The following DYTN variants were observed in gnomAD, a reference collection of about 807,000 sequenced individuals.
The protein encoded by DYTN is dystrotelin.
DYTN carries 75 observed loss-of-function variants against 69.6 expected under a neutral mutation model. The observed-to-expected ratio is 1.08, with a 90% confidence interval of 0.89 to 1.31. The LOEUF (loss-of-function observed/expected upper bound fraction) is 1.31. Among genes scored for constraint, DYTN ranks in the 50% most tolerant of loss-of-function variants. DYTN has a pLI of 0.00. For missense variants in DYTN, 726 were observed against 688.4 expected (o/e 1.05, Z -0.61); for synonymous variants, 252 against 249.1 (o/e 1.01, Z -0.11).
At position 206,667,697 on chromosome 2, in the gene DYTN, CGTGTGTGT is replaced by C. The variant is rs71410894; in HGVS notation, c.981-1676_981-1669del. Among the ~76,000 whole-genome samples the C allele has an allele frequency of 2.9e-3, 412 of 144,116 alleles. 1 individual carries two copies. The highest frequency in any genetic ancestry group is 3.9e-3 in the Non-Finnish European group (255 of 64,990). The allele number at this position is 144,116 out of a possible 152,430, so 94.5% of individuals were successfully genotyped here. ...ATTTATTCTGGCAACTTTGCGTGTG[CGTGTGTGT>C]GTGTGTGTGTGTGTGTGTGTGTGTG... is the stretch of plus-strand genomic sequence containing the variant. On this transcript the variant is annotated intron_variant, in intron 9 of 11. Coordinates refer to ENST00000452335, the MANE Select transcript of DYTN (RefSeq NM_001093730.1).
rs377044242 is a variant in DYTN at position 206,677,439 on chromosome 2, A to G, written c.981-11410T>C. On this transcript the variant is annotated intron_variant, in intron 9 of 11. Coordinates refer to ENST00000452335, the MANE Select transcript of DYTN (RefSeq NM_001093730.1). ...CATTAAAACACATTCTAAAATGACA[A>G]ATTTTTTGGTATATACTACAGGAAC... Among the ~76,000 whole-genome samples the G allele has an allele frequency of 1.5e-3, 173 of 114,846 alleles. 2 individuals carry two copies. Among genetic ancestry groups the G allele is most frequent in the African/African-American group, 8.7e-3 (170 of 19,522 alleles). The allele number at this position is 114,846 out of a possible 152,430, so 75.3% of individuals were successfully genotyped here. A position where few individuals can be genotyped will look rare whatever the true frequency, so the allele number is the denominator to read the frequency against.
intron 11 of DYTN, among the ~76,000 whole-genome samples, chr2:206,662,474 A>G (rs1287474975): frequency 6.6e-6 from 1 of 152,120 alleles, no homozygotes. Context: ...GCTTATGCAG[A>G]AGATAATAAT....
At chr2:206,666,595 C>T (rs1011563636) in intron 9 of DYTN, among the ~76,000 whole-genome samples, 4 of 152,138 alleles carry the variant, frequency 2.6e-5, no homozygotes, top group African/African-American at 9.7e-5. Context: ...CATGGCTAAA[C>T]ACCCAACACT....
At chr2:206,714,011 G>C (rs945084180) in intron 1 of DYTN, among the ~76,000 whole-genome samples, 1 of 152,190 alleles carries the variant, frequency 6.6e-6, no homozygotes, top group Non-Finnish European at 1.5e-5. Flanking sequence ...GAACTGCTTG[G>C]TGTACTTCTT....
intron 9 of DYTN, among the ~76,000 whole-genome samples, chr2:206,683,634 G>A (rs759587472): frequency 7.2e-5 from 11 of 151,888 alleles, no homozygotes; most frequent in Non-Finnish European, 1.6e-4. Context: ...ATGAGCCACC[G>A]CGCCCTGCCT....
At chr2:206,700,883 T>C (rs561950222) in intron 5 of DYTN, among the ~76,000 whole-genome samples, 5 of 152,198 alleles carry the variant, frequency 3.3e-5, no homozygotes, top group Non-Finnish European at 5.9e-5. Flanking sequence ...GTTACTGTGT[T>C]AGTTTGCTGA....
chr2:206,718,177 C>T, intron 1 of DYTN, 84 bp downstream of exon 1: 1 of 1,406,518 alleles, frequency 7.1e-7, no homozygotes, highest in Non-Finnish European at 9.5e-7. Context: ...TACTCTTCTT[C>T]AAATCAGAGG....
intron 3 of DYTN, among the ~76,000 whole-genome samples, 171 bp downstream of exon 3, chr2:206,707,131 T>C (rs1223400359): frequency 6.6e-6 from 1 of 152,162 alleles, no homozygotes; most frequent in African/African-American, 2.4e-5. Flanking sequence ...CTAAAGCCGA[T>C]GGGCATTTAC....
intron 11 of DYTN, among the ~76,000 whole-genome samples, chr2:206,659,487 A>AG (rs35775149): frequency 0.11 from 10,450 of 92,576 alleles, 287 homozygotes; most frequent in Non-Finnish European, 0.15. Flanking sequence ...CAATTCTCAA[A>AG]AAAAAAAAAA....
chr2:206,663,103 C>T lies in DYTN; in HGVS notation c.1433G>A (p.Ser478Asn). Residue 478 changes from serine (S) to asparagine (N), a missense_variant, in exon 11 of 12, where the codon AGT becomes AAT. Ser to Asn is a conservative substitution (Grantham distance 46). Transcript: ENST00000452335. ...TCCCTCCTGATAACTGGGTAGGGCA[C>T]TAATGACTTTCTGTGGCATCTTTTG... ...QTQKMPQKVI[S>N]ALPSYQEGLK... 6.2e-7 allele frequency: 1 copy of T among 1,613,876 alleles called. No individual in the cohort carries two copies. The highest frequency in any genetic ancestry group is 8.5e-7 in the Non-Finnish European group (1 of 1,179,876).
intron 3 of DYTN, among the ~76,000 whole-genome samples, chr2:206,706,895 C>G (rs900259486): frequency 7.7e-6 from 1 of 130,326 alleles, no homozygotes; most frequent in African/African-American, 3.0e-5. Context: ...CAACCTTATT[C>G]TAGCTAAAAA....
chr2:206,661,657 CT>C (rs113496771), intron 11 of DYTN, among the ~76,000 whole-genome samples: 4,791 of 152,140 alleles, frequency 0.031, 105 homozygotes, highest in Middle Eastern at 0.061. Flanking sequence ...AAAACATTTT[CT>C]TTTTTCGAGC....
intron 3 of DYTN, among the ~76,000 whole-genome samples, chr2:206,706,485 TAAA>T (rs1300547553): frequency 2.3e-5 from 3 of 131,386 alleles, no homozygotes; most frequent in African/African-American, 8.8e-5. Flanking sequence ...TTTGGGCAGT[TAAA>T]AAAAATTAAA....
At chr2:206,659,484 C>CAAAAAA (rs772861150) in intron 11 of DYTN, among the ~76,000 whole-genome samples, 1 of 64,592 alleles carries the variant, frequency 1.5e-5, no homozygotes. Flanking sequence ...CAACAATTCT[C>CAAAAAA]AAAAAAAAAA....
chr2:206,705,074 T>C (rs1700012408), intron 4 of DYTN, 131 bp from the exon 5 acceptor site: 8 of 759,132 alleles, frequency 1.1e-5, no homozygotes, highest in Non-Finnish European at 1.7e-5. Flanking sequence ...TCTTGATTAT[T>C]GGCTAGCTAT....
intron 5 of DYTN, among the ~76,000 whole-genome samples, chr2:206,702,954 G>C (rs753421617): frequency 6.6e-6 from 1 of 152,082 alleles, no homozygotes; most frequent in Admixed American, 6.6e-5. Flanking sequence ...TGATGTTTAG[G>C]GGGGGATTTG....
chr2:206,689,810 G>C (rs1224268441), intron 9 of DYTN, among the ~76,000 whole-genome samples: 1 of 152,114 alleles, frequency 6.6e-6, no homozygotes, highest in East Asian at 1.9e-4. Context: ...AAGAGCTCAT[G>C]GTTCACCTTA....
intron 1 of DYTN, 83 bp from the exon 2 acceptor site, chr2:206,710,681 A>C: frequency 7.3e-6 from 8 of 1,097,272 alleles, no homozygotes; most frequent in East Asian, 2.8e-5. Context: ...CCTAGAGATC[A>C]TGTAAGCTTA....
intron 8 of DYTN, 99 bp downstream of exon 8, chr2:206,694,667 A>G: frequency 1.1e-6 from 1 of 897,276 alleles, no homozygotes; most frequent in Non-Finnish European, 1.6e-6. Context: ...GTATGACAGG[A>G]GCAGAATCTG....
Sources: allele counts gnomAD v4.1 joint callset (sites outside exome capture counted in the v4.1 genomes callset), GRCh38; gene constraint gnomAD v4.1.1; transcripts MANE v1.5; gene names NCBI Gene and HGNC (gene_info 2026-07-23, HGNC 2026-07-21).